Variants in GRM8 observed in about 807,000 individuals in gnomAD.
GRM8 encodes the protein metabotropic glutamate receptor 8.
Under a neutral mutation model 87.2 loss-of-function variants are expected in GRM8, and 47 were observed. The observed-to-expected ratio is 0.54, with a 90% CI of 0.43 to 0.69. The LOEUF (loss-of-function observed/expected upper bound fraction) is 0.69. Among genes scored for constraint, GRM8 ranks in the 30% least tolerant of loss-of-function variants. The pLI is 0.00. For missense variants in GRM8, 1,019 were observed against 1,139.2 expected (o/e 0.89, Z 1.52); for synonymous variants, 396 against 404.5 (o/e 0.98, Z 0.25).
At chr7:127,171,168 G>T (rs1460440037) in intron 2 of GRM8, among the ~76,000 whole-genome samples, 1 of 152,122 alleles carries the variant, frequency 6.6e-6, no homozygotes, top group Non-Finnish European at 1.5e-5. Flanking sequence ...TAGAGGTAGA[G>T]CCTTAAGTAT....
At chr7:126,564,022 T>C (rs1200757585) in intron 8 of GRM8, among the ~76,000 whole-genome samples, 1 of 152,330 alleles carries the variant, frequency 6.6e-6, no homozygotes, top group Non-Finnish European at 1.5e-5. Context: ...GTTATGGTTA[T>C]ATTTAGGTCT....
chr7:127,037,556 C>T (rs1444717538), intron 3 of GRM8, among the ~76,000 whole-genome samples: 1 of 152,184 alleles, frequency 6.6e-6, no homozygotes, highest in East Asian at 1.9e-4. Context: ...TCATCTGCTT[C>T]CTTTCTCTCA....
intron 8 of GRM8, among the ~76,000 whole-genome samples, chr7:126,597,431 T>C (rs1233263229): frequency 1.3e-5 from 2 of 152,100 alleles, no homozygotes; most frequent in Non-Finnish European, 2.9e-5. Context: ...AAAAGTACTC[T>C]AGGATACAGG....
chr7:126,778,191 T>A (rs1819663533), intron 6 of GRM8, among the ~76,000 whole-genome samples: 1 of 152,176 alleles, frequency 6.6e-6, no homozygotes, highest in Non-Finnish European at 1.5e-5. Flanking sequence ...GAAAATCACC[T>A]GCTATCTTCT....
intron 2 of GRM8, among the ~76,000 whole-genome samples, chr7:127,119,540 G>A (rs994880735): frequency 2.0e-5 from 3 of 151,008 alleles, no homozygotes; most frequent in Non-Finnish European, 1.5e-5. Context: ...ACATACACAA[G>A]AAAGAAAGAA....
At chr7:126,961,942 C>G (rs992421022) in intron 3 of GRM8, among the ~76,000 whole-genome samples, 28 of 152,280 alleles carry the variant, frequency 1.8e-4, no homozygotes, top group African/African-American at 6.5e-4. Flanking sequence ...TCCAATGGCT[C>G]CAACTAGAAA....
At chr7:127,141,966 T>C (rs1046182962) in intron 2 of GRM8, among the ~76,000 whole-genome samples, 3 of 152,088 alleles carry the variant, frequency 2.0e-5, no homozygotes, top group Non-Finnish European at 4.4e-5. Flanking sequence ...TTAATACTAG[T>C]TGACTTGTCT....
At chr7:126,448,577 C>T (rs946467472) in intron 9 of GRM8, among the ~76,000 whole-genome samples, 1 of 151,898 alleles carries the variant, frequency 6.6e-6, no homozygotes, top group African/African-American at 2.4e-5. Flanking sequence ...GGCAAGCCAA[C>T]TCAATGAAAG....
At chr7:126,529,206 T>C (rs1447799826) in intron 9 of GRM8, among the ~76,000 whole-genome samples, 2 of 152,116 alleles carry the variant, frequency 1.3e-5, no homozygotes, top group Non-Finnish European at 2.9e-5. Context: ...ATTGTTATAA[T>C]GGAGATTACA....
chr7:126,832,736 T>C (rs1044492788), intron 6 of GRM8, among the ~76,000 whole-genome samples: 1 of 152,238 alleles, frequency 6.6e-6, no homozygotes, highest in Non-Finnish European at 1.5e-5. Context: ...GCACTTTTGG[T>C]ACTTTTATTT....
intron 7 of GRM8, among the ~76,000 whole-genome samples, chr7:126,640,741 C>A (rs73720724): frequency 0.042 from 6,329 of 152,072 alleles, 345 homozygotes; most frequent in African/African-American, 0.13. Context: ...ACCTTCCCCC[C>A]CTCCTACCCA....
At chr7:126,486,776 T>C (rs2150620725) in intron 9 of GRM8, among the ~76,000 whole-genome samples, 1 of 152,182 alleles carries the variant, frequency 6.6e-6, no homozygotes, top group Admixed American at 6.5e-5. Context: ...AGGAATACAT[T>C]TTATGAAAAT....
intron 2 of GRM8, among the ~76,000 whole-genome samples, chr7:127,177,144 T>A (rs1010116142): frequency 3.9e-5 from 6 of 152,090 alleles, no homozygotes; most frequent in African/African-American, 1.4e-4. Context: ...GGAAACAGAC[T>A]CGGGGCTACT....
intron 6 of GRM8, among the ~76,000 whole-genome samples, chr7:126,864,361 A>AT (rs901147932): frequency 7.3e-5 from 11 of 151,674 alleles, no homozygotes; most frequent in East Asian, 3.9e-4. Flanking sequence ...CCTGCTTTAG[A>AT]TTTTTTTTAT....
chr7:126,812,356 T>C (rs1051635117), intron 6 of GRM8, among the ~76,000 whole-genome samples: 124 of 151,934 alleles, frequency 8.2e-4, no homozygotes, highest in African/African-American at 3.0e-3. Flanking sequence ...GTGGTATAGC[T>C]TACTACACAA....
chr7:126,515,444 T>G (rs1812029363), intron 9 of GRM8, among the ~76,000 whole-genome samples: 1 of 152,140 alleles, frequency 6.6e-6, no homozygotes, highest in African/African-American at 2.4e-5. Context: ...ACACAGTATT[T>G]ACTTACTGTA....
At chr7:127,130,666 G>T (rs1013656318) in intron 2 of GRM8, among the ~76,000 whole-genome samples, 1 of 152,182 alleles carries the variant, frequency 6.6e-6, no homozygotes, top group Non-Finnish European at 1.5e-5. Flanking sequence ...TTTGGGAGGA[G>T]CCAGGGGTGG....
intron 6 of GRM8, among the ~76,000 whole-genome samples, chr7:126,828,108 T>G (rs149473398): frequency 0.037 from 5,547 of 151,826 alleles, 327 homozygotes; most frequent in African/African-American, 0.13. Flanking sequence ...GCTGGATTCG[T>G]TTTGCCAGTA....
Position 127,252,873 on chromosome 7 carries a change from G to GCCA in GRM8, c.-389_-388insTGG. On this transcript the variant is annotated 5_prime_UTR_variant, in exon 1 of 11. Coordinates refer to ENST00000339582, the MANE Select transcript of GRM8 (RefSeq NM_000845.3). This position sits in a 1 kb window ranked among gnomAD's most constrained non-coding sequence, Gnocchi z 4.9. Reference sequence around the variant, plus strand: ...CCATGTCAGCGCCGCCGCCGCCGCCGCCGCCGCCGCGTGAGGCGAGCACAG... The same window carrying GCCA: ...CCATGTCAGCGCCGCCGCCGCCGCCGCCACCGCCGCCGCGTGAGGCGAGCACAG... 4.5e-6 allele frequency: 1 copy of GCCA among 221,800 alleles called. No individual in the cohort carries two copies. The highest frequency in any genetic ancestry group is 6.2e-5 in the South Asian group (1 of 16,004). The allele number at this position is 221,800 out of a possible 1,614,324, so 13.7% of individuals were successfully genotyped here. A position where few individuals can be genotyped will look rare whatever the true frequency, so the allele number is the denominator to read the frequency against.
Sources: gnomAD v4.1 joint callset for allele counts (sites outside exome capture counted in the v4.1 genomes callset) on GRCh38, gnomAD v4.1.1 for gene constraint, Gnocchi (gnomAD v3.1) non-coding constraint, MANE v1.5 for transcripts, NCBI Gene and HGNC (gene_info 2026-07-23, HGNC 2026-07-21) for gene names.